The following RBPJ variants were observed in gnomAD, a reference collection of about 807,000 sequenced individuals.
The protein encoded by RBPJ is recombination signal binding protein for immunoglobulin kappa J region, also known as recombining binding protein suppressor of hairless.
In RBPJ, 9 loss-of-function variants were observed where a neutral mutation model predicts 67.8. The ratio of observed to expected loss-of-function variants is 0.13; its 90% confidence interval spans 0.08 to 0.23. The LOEUF (loss-of-function observed/expected upper bound fraction) is 0.23. Among genes scored for constraint, RBPJ ranks in the 10% least tolerant of loss-of-function variants. The pLI, the probability that RBPJ is intolerant of heterozygous loss-of-function variation, is 1.00. For missense variants in RBPJ, 305 were observed against 595.6 expected (o/e 0.51, Z 5.08); for synonymous variants, 198 against 203.3 (o/e 0.97, Z 0.22).
At chr4:26,406,384 C>T in intron 3 of RBPJ, 114 bp downstream of exon 3, 2 of 658,424 alleles carry the variant, frequency 3.0e-6, no homozygotes, top group Non-Finnish European at 5.4e-6. Flanking sequence ...TTTGCTAGTA[C>T]AAAATAAAAA....
intron 1 of RBPJ, among the ~76,000 whole-genome samples, chr4:26,295,418 A>G (rs1203737788): frequency 1.3e-5 from 2 of 152,176 alleles, no homozygotes; most frequent in Non-Finnish European, 2.9e-5. Context: ...CAGTAGTAGT[A>G]GTAGTGGACA....
chr4:26,298,034 T>C (rs558901487), intron 1 of RBPJ, among the ~76,000 whole-genome samples: 28 of 152,336 alleles, frequency 1.8e-4, no homozygotes, highest in Admixed American at 7.2e-4. Context: ...CAATCACTGA[T>C]ACAAATGTTT....
intron 1 of RBPJ, among the ~76,000 whole-genome samples, chr4:26,335,041 C>T (rs192503008): frequency 6.6e-6 from 1 of 152,262 alleles, no homozygotes; most frequent in African/African-American, 2.4e-5. Flanking sequence ...TTCTTTTTAC[C>T]ACCTGTATCT....
intron 1 of RBPJ, among the ~76,000 whole-genome samples, chr4:26,283,598 G>T (rs1341256149): frequency 6.6e-6 from 1 of 151,696 alleles, no homozygotes; most frequent in East Asian, 1.9e-4. Context: ...AGCAAAAGGG[G>T]CCTGAGGCTA....
In RBPJ at chr4:26,430,623, T is replaced by G; in HGVS notation, c.1149-69T>G. On this transcript the variant is annotated intron_variant, in intron 10 of 10. Coordinates refer to ENST00000355476, the MANE Select transcript of RBPJ (RefSeq NM_015874.6). This position sits in a 1 kb window ranked among gnomAD's most constrained non-coding sequence, Gnocchi z 4.1. ...TTGTAATGTATTAAACAACCTTGTGTTAAGTCTCATTTTTAACATGTACTT... is the reference window on the plus strand; with the variant it reads ...TTGTAATGTATTAAACAACCTTGTGGTAAGTCTCATTTTTAACATGTACTT... 1 of 1,559,626 alleles carries G rather than the reference T, an allele frequency of 6.4e-7. No homozygotes were observed. Among genetic ancestry groups the G allele is most frequent in the East Asian group, 2.2e-5 (1 of 44,540 alleles).
At chr4:26,234,272 C>T (rs1240164003) in intron 1 of RBPJ, among the ~76,000 whole-genome samples, 1 of 152,166 alleles carries the variant, frequency 6.6e-6, no homozygotes, top group Non-Finnish European at 1.5e-5. Flanking sequence ...GAGAAAATGA[C>T]TTTAACCAAA....
At chr4:26,365,362 T>C (rs2109519790) in intron 1 of RBPJ, among the ~76,000 whole-genome samples, 1 of 152,326 alleles carries the variant, frequency 6.6e-6, no homozygotes, top group African/African-American at 2.4e-5. Flanking sequence ...AGTCTGCTAC[T>C]TTATCCATGA....
At chr4:26,364,144 A>G (rs1161744513) in intron 1 of RBPJ, among the ~76,000 whole-genome samples, 1 of 152,244 alleles carries the variant, frequency 6.6e-6, no homozygotes, top group Non-Finnish European at 1.5e-5. Flanking sequence ...TAAGTGTAAT[A>G]GAAATACACT....
At chr4:26,317,045 C>T (rs1310985263), upstream of RBPJ, among the ~76,000 whole-genome samples, 1 of 151,372 alleles carries the variant, frequency 6.6e-6, no homozygotes, top group Non-Finnish European at 1.5e-5. Context: ...AGGCATTGTT[C>T]CAGCAGCTAA....
the RBPJ span, among the ~76,000 whole-genome samples, chr4:26,117,063 C>T: frequency 6.6e-6 from 1 of 152,198 alleles, no homozygotes; most frequent in African/African-American, 2.4e-5. Flanking sequence ...TAGGTTGGCC[C>T]ACAAAGTTGG....
chr4:26,159,184 C>T (rs753436931), upstream of RBPJ, among the ~76,000 whole-genome samples: 11 of 152,162 alleles, frequency 7.2e-5, no homozygotes, highest in South Asian at 2.1e-4. Context: ...ATATGCTAGA[C>T]ACTTTCATGT....
At chr4:26,320,873 G>T, upstream of RBPJ, 1 of 1,578,642 alleles carries the variant, frequency 6.3e-7, no homozygotes, top group Non-Finnish European at 8.6e-7. Context: ...GGCGCGAGGC[G>T]TCTGGCTCTT....
intron 1 of RBPJ, among the ~76,000 whole-genome samples, chr4:26,203,493 A>C (rs1374543726): frequency 1.3e-5 from 2 of 151,946 alleles, no homozygotes; most frequent in Non-Finnish European, 2.9e-5. Context: ...ATCTGTCATA[A>C]ATTTATTTAT....
intron 2 of RBPJ, among the ~76,000 whole-genome samples, chr4:26,403,070 T>G (rs983602929): frequency 6.6e-6 from 1 of 152,186 alleles, no homozygotes; most frequent in African/African-American, 2.4e-5. Context: ...TCTCTAGAAA[T>G]AACTAAAAAG....
intron 3 of RBPJ, chr4:26,412,825 T>C (rs959852172): frequency 6.6e-6 from 1 of 152,142 alleles, no homozygotes; most frequent in African/African-American, 2.4e-5. Context: ...ATAGTAAGCA[T>C]TGGGTAGCTC....
At chr4:26,388,514 G>A (rs1457247673) in intron 2 of RBPJ, among the ~76,000 whole-genome samples, 1 of 152,170 alleles carries the variant, frequency 6.6e-6, no homozygotes, top group Non-Finnish European at 1.5e-5. Context: ...TTGTAAAATG[G>A]GTGGTGGGTA....
At chr4:26,309,622 T>C (rs1722358788) in intron 1 of RBPJ, among the ~76,000 whole-genome samples, 1 of 152,248 alleles carries the variant, frequency 6.6e-6, no homozygotes, top group Non-Finnish European at 1.5e-5. Context: ...GTTCTTTCAT[T>C]CATACCACAG....
the RBPJ span, among the ~76,000 whole-genome samples, chr4:26,111,005 A>G: frequency 6.6e-6 from 1 of 152,234 alleles, no homozygotes; most frequent in African/African-American, 2.4e-5. Flanking sequence ...TGTCATCTGC[A>G]ACTAAGAACT....
the RBPJ span, among the ~76,000 whole-genome samples, chr4:26,157,689 C>T: frequency 6.6e-6 from 1 of 152,132 alleles, no homozygotes; most frequent in African/African-American, 2.4e-5. Flanking sequence ...GTTTATTTCT[C>T]AACATCTTGA....
Sources: gnomAD v4.1 joint callset for allele counts (sites outside exome capture counted in the v4.1 genomes callset) on GRCh38, gnomAD v4.1.1 for gene constraint, Gnocchi (gnomAD v3.1) non-coding constraint, MANE v1.5 for transcripts, NCBI Gene and HGNC (gene_info 2026-07-23, HGNC 2026-07-21) for gene names.